CDH12: variants seen among roughly 807,000 people sequenced by gnomAD.
CDH12 encodes cadherin-12.
In CDH12, 41 loss-of-function variants were observed where a neutral mutation model predicts 74.1. The ratio of observed to expected loss-of-function variants is 0.55; its 90% CI spans 0.43 to 0.72. The LOEUF (loss-of-function observed/expected upper bound fraction) is 0.72. CDH12 is among the 30% of genes least tolerant of loss of function. The pLI, the probability that CDH12 is intolerant of heterozygous loss-of-function variation, is 0.00. For missense variants in CDH12, 945 were observed against 977.2 expected (o/e 0.97, Z 0.44); for synonymous variants, 399 against 355.0 (o/e 1.12, Z -1.39).
intron 1 of CDH12, among the ~76,000 whole-genome samples, chr5:22,529,218 GAGAGAGAA>G (rs1290003661): frequency 1.5e-4 from 22 of 145,918 alleles, no homozygotes; most frequent in African/African-American, 5.4e-4. Context: ...GAGAGAGAGA[GAGAGAGAA>G]GAGAGAGAGA....
intron 3 of CDH12, among the ~76,000 whole-genome samples, chr5:22,281,654 T>A (rs190289177): frequency 1.3e-5 from 2 of 152,186 alleles, no homozygotes; most frequent in Admixed American, 6.5e-5. Context: ...TACAAAGGAA[T>A]ACATCTTACA....
At chr5:22,627,463 C>T (rs993631212) in intron 1 of CDH12, among the ~76,000 whole-genome samples, 1 of 145,742 alleles carries the variant, frequency 6.9e-6, no homozygotes, top group South Asian at 2.2e-4. Flanking sequence ...AAAAAAGAAA[C>T]TCTGATCAAG....
At chr5:21,889,655 G>A in intron 6 of CDH12, 1 of 985,094 alleles carries the variant, frequency 1.0e-6, no homozygotes, top group Non-Finnish European at 1.2e-6. Flanking sequence ...CATGCCATCA[G>A]TATCCTGAAT....
At chr5:22,605,539 C>T (rs769054565) in intron 1 of CDH12, among the ~76,000 whole-genome samples, 1 of 152,204 alleles carries the variant, frequency 6.6e-6, no homozygotes, top group African/African-American at 2.4e-5. Context: ...CCACCTCCCA[C>T]CTCTGAAGGT....
At chr5:22,750,765 C>G (rs1260955791) in intron 1 of CDH12, among the ~76,000 whole-genome samples, 3 of 151,982 alleles carry the variant, frequency 2.0e-5, no homozygotes, top group Non-Finnish European at 4.4e-5. Flanking sequence ...AGGTTTTCAA[C>G]AAAATAATAG....
At chr5:22,637,232 G>T (rs1738887912) in intron 1 of CDH12, among the ~76,000 whole-genome samples, 1 of 152,244 alleles carries the variant, frequency 6.6e-6, no homozygotes, top group South Asian at 2.1e-4. Flanking sequence ...ACAATGTAAG[G>T]CTACAATTAT....
At chr5:22,771,931 C>A (rs538610746) in intron 1 of CDH12, among the ~76,000 whole-genome samples, 1 of 151,998 alleles carries the variant, frequency 6.6e-6, no homozygotes, top group Non-Finnish European at 1.5e-5. Context: ...TAAACACACA[C>A]GCACACATAT....
chr5:22,027,447 ACT>A (rs1439470562), intron 5 of CDH12, among the ~76,000 whole-genome samples: 1 of 151,562 alleles, frequency 6.6e-6, no homozygotes, highest in Non-Finnish European at 1.5e-5. Flanking sequence ...CTGGTCCTGG[ACT>A]CTTTTTGGTT....
intron 4 of CDH12, among the ~76,000 whole-genome samples, chr5:22,181,592 T>G (rs1159189046): frequency 2.0e-5 from 3 of 152,208 alleles, no homozygotes. Context: ...ATTTCGAGAT[T>G]CTTTTTAGTT....
intron 4 of CDH12, among the ~76,000 whole-genome samples, chr5:22,124,365 C>G (rs1745717380): frequency 1.3e-5 from 2 of 151,966 alleles, no homozygotes; most frequent in Non-Finnish European, 2.9e-5. Flanking sequence ...TCTCAGTGAT[C>G]CGCACGACTC....
At chr5:22,362,987 C>T (rs986377415) in intron 3 of CDH12, among the ~76,000 whole-genome samples, 6 of 150,834 alleles carry the variant, frequency 4.0e-5, no homozygotes, top group Non-Finnish European at 8.9e-5. Flanking sequence ...TGCTAAATGA[C>T]GAGTTAATGG....
At chr5:21,891,560 T>TACACACACACACAC (rs1305461373) in intron 6 of CDH12, among the ~76,000 whole-genome samples, 6 of 68,884 alleles carry the variant, frequency 8.7e-5, no homozygotes, top group South Asian at 9.3e-4. Flanking sequence ...TTCCTGTGAA[T>TACACACACACACAC]ACACACACAC....
At chr5:22,301,599 C>T (rs954424970) in intron 3 of CDH12, among the ~76,000 whole-genome samples, 1 of 151,818 alleles carries the variant, frequency 6.6e-6, no homozygotes, top group Non-Finnish European at 1.5e-5. Flanking sequence ...ATTTAGTAAC[C>T]ACCTAAAACA....
At chr5:22,201,880 A>C (rs1054361935) in intron 4 of CDH12, among the ~76,000 whole-genome samples, 4 of 152,146 alleles carry the variant, frequency 2.6e-5, no homozygotes, top group African/African-American at 9.7e-5. Flanking sequence ...AACTGTGGGG[A>C]AACAATGATG....
intron 11 of CDH12, among the ~76,000 whole-genome samples, chr5:21,778,466 CAAAAAAA>C (rs70957061): frequency 1.9e-5 from 1 of 52,614 alleles, no homozygotes; most frequent in East Asian, 6.6e-4. Flanking sequence ...GCATATAAGC[CAAAAAAA>C]AAAAAAAAAA....
intron 1 of CDH12, among the ~76,000 whole-genome samples, chr5:22,581,832 C>T (rs571260543): frequency 1.2e-3 from 187 of 152,208 alleles, no homozygotes; most frequent in African/African-American, 4.0e-3. Context: ...TGCCTGACCA[C>T]ATTTTTAACT....
At chr5:22,734,447 C>G (rs1744584368) in intron 1 of CDH12, among the ~76,000 whole-genome samples, 3 of 151,834 alleles carry the variant, frequency 2.0e-5, no homozygotes, top group Non-Finnish European at 2.9e-5. Flanking sequence ...GAAAATGAAA[C>G]TAAATATAAA....
chr5:22,589,344 C>A (rs1309812883), intron 1 of CDH12, among the ~76,000 whole-genome samples: 2 of 152,062 alleles, frequency 1.3e-5, no homozygotes, highest in African/African-American at 4.8e-5. Flanking sequence ...TGGAGATCAG[C>A]CAAACAGAGC....
At chr5:22,794,627 G>GA (rs1466837559) in intron 1 of CDH12, among the ~76,000 whole-genome samples, 4 of 152,122 alleles carry the variant, frequency 2.6e-5, no homozygotes, top group East Asian at 3.9e-4. Flanking sequence ...AGAGAGAATA[G>GA]AAAAAAATAG....
Sources: allele counts gnomAD v4.1 joint callset (sites outside exome capture counted in the v4.1 genomes callset), GRCh38; gene constraint gnomAD v4.1.1; transcripts MANE v1.5; gene names NCBI Gene and HGNC (gene_info 2026-07-23, HGNC 2026-07-21).